NRF1: variants seen among roughly 807,000 people sequenced by gnomAD.
NRF1 encodes the protein nuclear respiratory factor 1, also known as alpha palindromic-binding protein.
NRF1 carries 5 observed loss-of-function variants against 58.5 expected under a neutral mutation model. That is an observed-to-expected ratio of 0.09 (90% CI 0.04 to 0.18). The LOEUF is 0.18. Among genes scored for constraint, NRF1 ranks in the 10% least tolerant of loss-of-function variants. The pLI, the probability that NRF1 is intolerant of heterozygous loss-of-function variation, is 1.00. For synonymous variants in NRF1, 224 were observed against 246.7 expected (o/e 0.91, Z 0.86); for missense variants, 288 against 657.7 (o/e 0.44, Z 6.15).
chr7:129,725,573 C>T (rs1470292141), intron 9 of NRF1, among the ~76,000 whole-genome samples: 6 of 152,138 alleles, frequency 3.9e-5, no homozygotes, highest in Admixed American at 1.3e-4. Context: ...GTGATCCGCC[C>T]GCCTTGGCCT....
rs548453458 is a variant in NRF1, at chr7:129,666,305, T to C, written c.224-5124T>C. The stretch of plus-strand genomic sequence containing the variant: ...TAACCAGTATTCTAGATTTGGTCTT[T>C]GTCATTCTCTTGCATTTGTCTATAT... On this transcript the variant is annotated intron_variant, in intron 2 of 10. Coordinates refer to ENST00000393232, the MANE Select transcript of NRF1 (RefSeq NM_005011.5). Among the ~76,000 whole-genome samples, 6 of 152,332 alleles carry C rather than the reference T, an allele frequency of 3.9e-5. No individual in the cohort carries two copies. In the East Asian group the frequency reaches 1.2e-3, roughly 29 times the overall value.
chr7:129,660,154 A>G (rs529966853), intron 2 of NRF1, among the ~76,000 whole-genome samples: 3 of 152,312 alleles, frequency 2.0e-5, no homozygotes, highest in Non-Finnish European at 4.4e-5. Context: ...CTATCACAAG[A>G]ACAGCATGGG....
chr7:129,748,269 C>T (rs948459187), intron 10 of NRF1, among the ~76,000 whole-genome samples: 6 of 93,502 alleles, frequency 6.4e-5, no homozygotes, highest in East Asian at 3.3e-4. Context: ...AGCAAGACTC[C>T]GTCTCAAAAA....
chr7:129,682,774 C>G (rs1432699268), intron 4 of NRF1, among the ~76,000 whole-genome samples: 1 of 151,946 alleles, frequency 6.6e-6, no homozygotes, highest in East Asian at 1.9e-4. Context: ...TGTGCTCCAG[C>G]CTGGGTGACA....
intron 1 of NRF1, among the ~76,000 whole-genome samples, chr7:129,612,847 AGT>A (rs1284549913): frequency 6.6e-6 from 1 of 152,200 alleles, no homozygotes; most frequent in African/African-American, 2.4e-5. Flanking sequence ...AAGTTTCTGC[AGT>A]GTATTTGGCT....
chr7:129,619,591 A>G (rs1293550746), intron 1 of NRF1, among the ~76,000 whole-genome samples: 1 of 148,506 alleles, frequency 6.7e-6, no homozygotes, highest in East Asian at 2.0e-4. Context: ...GGTAGGTCCT[A>G]CAGAATCTAA....
rs118183688 is a variant in NRF1 at position 129,703,535 on chromosome 7, A to G, written c.607-5540A>G. Reference sequence around the variant, plus strand: ...CTTTATTAATAGTCTCTTTAGCCTTAGCACTGTTTATTTGGGACAGTATAA... The same window carrying G: ...CTTTATTAATAGTCTCTTTAGCCTTGGCACTGTTTATTTGGGACAGTATAA... On this transcript the variant is annotated intron_variant, in intron 5 of 10. Coordinates refer to ENST00000393232, the MANE Select transcript of NRF1 (RefSeq NM_005011.5). 8.7e-3 allele frequency among the ~76,000 whole-genome samples: 1,323 copies of G among 152,226 alleles called. 7 individuals are homozygous for G. The highest frequency in any genetic ancestry group is 0.02 in the Middle Eastern group (6 of 294).
At chr7:129,732,371 G>A (rs528128710) in intron 10 of NRF1, among the ~76,000 whole-genome samples, 2 of 152,290 alleles carry the variant, frequency 1.3e-5, no homozygotes, top group Admixed American at 1.3e-4. Flanking sequence ...GTATTGGTTG[G>A]TGCAAAAGTA....
Position 129,748,416 on chromosome 7 carries a change from G to A in NRF1, c.1349-6602G>A, listed in dbSNP as rs79802378. Among the ~76,000 whole-genome samples the A allele has an allele frequency of 5.3e-3, 804 of 152,266 alleles. 5 individuals carry two copies. The highest frequency in any genetic ancestry group is 0.024 in the Middle Eastern group (7 of 294). ...TGGTGGCGGCAATAAAGTCACAGGAGGGAGAAACCAGGTGGGCTGTCCCCT... is the reference window on the plus strand; with the variant it reads ...TGGTGGCGGCAATAAAGTCACAGGAAGGAGAAACCAGGTGGGCTGTCCCCT... On this transcript the variant is annotated intron_variant, in intron 10 of 10. Coordinates refer to ENST00000393232, the MANE Select transcript of NRF1 (RefSeq NM_005011.5).
intron 9 of NRF1, among the ~76,000 whole-genome samples, chr7:129,725,574 G>A (rs1034110575): frequency 5.9e-5 from 9 of 152,084 alleles, no homozygotes; most frequent in South Asian, 2.1e-4. Context: ...TGATCCGCCC[G>A]CCTTGGCCTC....
At chr7:129,750,696 C>A (rs1804094833) in intron 10 of NRF1, among the ~76,000 whole-genome samples, 1 of 152,212 alleles carries the variant, frequency 6.6e-6, no homozygotes, top group African/African-American at 2.4e-5. Context: ...CATTTCCTCA[C>A]CCAGGTGTGG....
At chr7:129,661,425 C>G (rs979191382) in intron 2 of NRF1, among the ~76,000 whole-genome samples, 1 of 151,102 alleles carries the variant, frequency 6.6e-6, no homozygotes, top group Non-Finnish European at 1.5e-5. Context: ...TTTTCCTTCC[C>G]TTATAAAACA....
At chr7:129,703,675 A>G (rs958617325) in intron 5 of NRF1, among the ~76,000 whole-genome samples, 1 of 152,248 alleles carries the variant, frequency 6.6e-6, no homozygotes, top group African/African-American at 2.4e-5. Flanking sequence ...ACAAACTCTT[A>G]TAGTAGAAAA....
At chr7:129,666,731 A>G (rs1278775207) in intron 2 of NRF1, among the ~76,000 whole-genome samples, 3 of 152,092 alleles carry the variant, frequency 2.0e-5, no homozygotes, top group East Asian at 3.9e-4. Context: ...GGGGTTTACC[A>G]TGTTGGCCAG....
At chr7:129,639,862 A>T (rs958193234) in intron 1 of NRF1, among the ~76,000 whole-genome samples, 17 of 152,048 alleles carry the variant, frequency 1.1e-4, no homozygotes, top group Admixed American at 8.5e-4. Context: ...CCCCTTTTTT[A>T]AAAAAAGTAA....
At chr7:129,634,551 C>G (rs1801128666) in intron 1 of NRF1, among the ~76,000 whole-genome samples, 1 of 152,140 alleles carries the variant, frequency 6.6e-6, no homozygotes, top group Non-Finnish European at 1.5e-5. Flanking sequence ...TAATATTTCA[C>G]TGTATGGATG....
At chr7:129,713,093 CTTT>C (rs536331873) in intron 8 of NRF1, among the ~76,000 whole-genome samples, 2 of 130,174 alleles carry the variant, frequency 1.5e-5, no homozygotes. Context: ...GTTGCGTTTC[CTTT>C]TTTTTTTTTT....
At chr7:129,622,718 C>T (rs1441869007) in intron 1 of NRF1, among the ~76,000 whole-genome samples, 4 of 151,778 alleles carry the variant, frequency 2.6e-5, no homozygotes, top group East Asian at 1.9e-4. Context: ...TACAGGTGCC[C>T]GCCACTGTGC....
intron 10 of NRF1, among the ~76,000 whole-genome samples, chr7:129,738,805 T>C (rs1803781775): frequency 6.6e-6 from 1 of 152,190 alleles, no homozygotes; most frequent in East Asian, 1.9e-4. Flanking sequence ...TTGCCCAGGA[T>C]CTGTCAGCTC....
Sources: allele counts gnomAD v4.1 joint callset (sites outside exome capture counted in the v4.1 genomes callset), GRCh38; gene constraint gnomAD v4.1.1; transcripts MANE v1.5; gene names NCBI Gene and HGNC (gene_info 2026-07-23, HGNC 2026-07-21).